Variants in CNTN4 observed in about 807,000 individuals in gnomAD.
CNTN4 encodes the protein contactin-4.
CNTN4 carries 77 observed loss-of-function variants against 122.5 expected under a neutral mutation model. That is an observed-to-expected ratio of 0.63 (90% CI 0.52 to 0.76). The LOEUF (loss-of-function observed/expected upper bound fraction) is 0.76, where lower values mean the gene tolerates loss of function less well. Among genes scored for constraint, CNTN4 ranks in the 30% least tolerant of loss-of-function variants. The pLI is 0.00. For missense variants in CNTN4, 1,256 were observed against 1,259.1 expected (o/e 1.00, Z 0.04); for synonymous variants, 512 against 447.0 (o/e 1.15, Z -1.83).
In CNTN4 at chr3:2,355,457, A is replaced by G. The variant is rs142838660; in HGVS notation, c.-89+16224A>G. ...AACAAGAATTTAGTTTACCTGAAGG[A>G]TACAGGGAATCTCATAGAACTTACA... On this transcript the variant is annotated intron_variant, in intron 3 of 24. Coordinates refer to ENST00000418658, the MANE Select transcript of CNTN4 (RefSeq NM_175607.3). Among the ~76,000 whole-genome samples the G allele has an allele frequency of 6.8e-4, 104 of 152,310 alleles. 1 individual carries two copies. The highest frequency in any genetic ancestry group is 2.2e-3 in the African/African-American group (92 of 41,554).
chr3:2,555,794 G>T (rs1686900699), intron 3 of CNTN4, among the ~76,000 whole-genome samples: 1 of 152,170 alleles, frequency 6.6e-6, no homozygotes, highest in African/African-American at 2.4e-5. Flanking sequence ...ATGTAAGGTA[G>T]GTGGAAAGTT....
chr3:2,347,047 A>G (rs2044422069), intron 3 of CNTN4, among the ~76,000 whole-genome samples: 1 of 152,148 alleles, frequency 6.6e-6, no homozygotes, highest in African/African-American at 2.4e-5. Context: ...TTATAAGAAA[A>G]TTCCTCTGGA....
chr3:2,556,922 A>G (rs570076751), intron 3 of CNTN4, among the ~76,000 whole-genome samples: 1 of 152,160 alleles, frequency 6.6e-6, no homozygotes, highest in African/African-American at 2.4e-5. Context: ...CTGTCTTGAA[A>G]TTTGCAGCTA....
chr3:2,837,360 G>A (rs1051304654), intron 7 of CNTN4, among the ~76,000 whole-genome samples: 6 of 152,078 alleles, frequency 3.9e-5, no homozygotes, highest in African/African-American at 1.4e-4. Flanking sequence ...AGTTAAAATA[G>A]CTGTCCTTGC....
rs539662542 is a variant in CNTN4, at chr3:2,135,590, T to G, written c.-145+34951T>G. ...GAGAGTAATCAGCGCATATTTGTTG[T>G]ATTTCCGAGGCTGGTAATGGAGCTA... On this transcript the variant is annotated intron_variant, in intron 2 of 24. Coordinates refer to ENST00000418658, the MANE Select transcript of CNTN4 (RefSeq NM_175607.3). Among the ~76,000 whole-genome samples, 311 of 151,720 alleles carry G rather than the reference T, an allele frequency of 2.0e-3. 5 individuals are homozygous for G. Among genetic ancestry groups the G allele is most frequent in the African/African-American group, 7.1e-3 (291 of 41,014 alleles).
intron 3 of CNTN4, among the ~76,000 whole-genome samples, chr3:2,355,997 C>G (rs1291626206): frequency 1.3e-5 from 2 of 152,108 alleles, no homozygotes; most frequent in Non-Finnish European, 2.9e-5. Flanking sequence ...CAGTTGTTGC[C>G]TGGGTGCTTT....
At chr3:2,893,544 A>C (rs946209917) in intron 10 of CNTN4, among the ~76,000 whole-genome samples, 1 of 152,224 alleles carries the variant, frequency 6.6e-6, no homozygotes, top group Non-Finnish European at 1.5e-5. Flanking sequence ...TGATAGTTCC[A>C]ATAAAGTATG....
chr3:2,666,417 G>C (rs1406633087), intron 4 of CNTN4, among the ~76,000 whole-genome samples: 1 of 151,996 alleles, frequency 6.6e-6, no homozygotes, highest in African/African-American at 2.4e-5. Flanking sequence ...GAAAAAAACT[G>C]TTTCAGGGAA....
At chr3:2,542,809 C>A (rs1436611182) in intron 3 of CNTN4, among the ~76,000 whole-genome samples, 1 of 152,046 alleles carries the variant, frequency 6.6e-6, no homozygotes, top group Non-Finnish European at 1.5e-5. Context: ...GGCATGTTTC[C>A]TGGGCCAGAT....
At chr3:2,715,500 A>T (rs967223956) in intron 4 of CNTN4, among the ~76,000 whole-genome samples, 2 of 152,144 alleles carry the variant, frequency 1.3e-5, no homozygotes, top group Non-Finnish European at 2.9e-5. Context: ...TATCAGGGGG[A>T]TTTATCTTAC....
intron 4 of CNTN4, chr3:2,629,542 C>T (rs2082336794): frequency 2.2e-6 from 1 of 453,400 alleles, no homozygotes; most frequent in South Asian, 1.6e-5. Context: ...AGACTGACTT[C>T]TGGTCCTTGC....
At position 2,406,617 on chromosome 3, in the gene CNTN4, AT is replaced by A. The variant is rs200409025; in HGVS notation, c.-89+67392del. Among the ~76,000 whole-genome samples the A allele has an allele frequency of 6.9e-3, 1,057 of 152,124 alleles. 22 individuals carry two copies. Among genetic ancestry groups the A allele is most frequent in the South Asian group, 0.066 (320 of 4,820 alleles). ...TTGTAATTTTTTAAAATATAAAGTA[AT>A]TTTTTTTAAGTCTGGCTCTCTCATT... On this transcript the variant is annotated intron_variant, in intron 3 of 24. Coordinates refer to ENST00000418658, the MANE Select transcript of CNTN4 (RefSeq NM_175607.3).
chr3:2,956,163 G>T (rs115732821), intron 13 of CNTN4, among the ~76,000 whole-genome samples: 150 of 152,274 alleles, frequency 9.9e-4, no homozygotes, highest in African/African-American at 3.3e-3. Flanking sequence ...AAAACATCAT[G>T]TTAAATGAAA....
intron 3 of CNTN4, among the ~76,000 whole-genome samples, chr3:2,525,543 G>A (rs1281089097): frequency 1.3e-5 from 2 of 152,022 alleles, no homozygotes; most frequent in Admixed American, 6.6e-5. Context: ...GTAGGTTATT[G>A]GCATACCTTT....
At chr3:2,730,493 T>A (rs1358869957) in intron 4 of CNTN4, among the ~76,000 whole-genome samples, 1 of 152,220 alleles carries the variant, frequency 6.6e-6, no homozygotes, top group Non-Finnish European at 1.5e-5. Context: ...TGTTGCTTTC[T>A]ATGAAATGTT....
At chr3:2,489,414 C>G (rs545749397) in intron 3 of CNTN4, among the ~76,000 whole-genome samples, 2 of 152,354 alleles carry the variant, frequency 1.3e-5, no homozygotes, top group Admixed American at 6.5e-5. Context: ...GAAGCCCTCA[C>G]TCCCACACTT....
chr3:2,804,653 C>A (rs774725452), intron 6 of CNTN4, among the ~76,000 whole-genome samples: 6 of 152,034 alleles, frequency 3.9e-5, no homozygotes, highest in Non-Finnish European at 5.9e-5. Flanking sequence ...CATTGCTCTT[C>A]TATCACTTGA....
chr3:2,682,424 T>C (rs2085211612), intron 4 of CNTN4, among the ~76,000 whole-genome samples: 1 of 152,162 alleles, frequency 6.6e-6, no homozygotes. Flanking sequence ...ATGAAAATAA[T>C]TGTTTCTTAC....
intron 4 of CNTN4, among the ~76,000 whole-genome samples, chr3:2,594,543 C>T (rs113288842): frequency 0.17 from 26,535 of 151,772 alleles, 2,438 homozygotes; most frequent in Middle Eastern, 0.22. Flanking sequence ...CTCAGCCTCC[C>T]GAGTAGCTGG....
Sources: gnomAD v4.1 joint callset for allele counts (sites outside exome capture counted in the v4.1 genomes callset) on GRCh38, gnomAD v4.1.1 for gene constraint, MANE v1.5 for transcripts, NCBI Gene and HGNC (gene_info 2026-07-23, HGNC 2026-07-21) for gene names.